The following NR3C1 variants were observed in gnomAD, a reference collection of about 807,000 sequenced individuals.
NR3C1 encodes glucocorticoid receptor.
In NR3C1, 14 loss-of-function variants were observed where a neutral mutation model predicts 74.0. The ratio of observed to expected loss-of-function variants is 0.19; its 90% confidence interval spans 0.12 to 0.30. NR3C1 has a LOEUF of 0.30. Among genes scored for constraint, NR3C1 ranks in the 10% least tolerant of loss-of-function variants. The pLI is 1.00. For missense variants in NR3C1, 695 were observed against 909.8 expected, an observed-to-expected ratio of 0.76 and a Z score of 3.04; for synonymous variants, 308 against 332.5, an observed-to-expected ratio of 0.93 and a Z score of 0.80.
At chr5:143,336,435 T>C (rs1276400303) in intron 2 of NR3C1, among the ~76,000 whole-genome samples, 2 of 152,172 alleles carry the variant, frequency 1.3e-5, no homozygotes, top group East Asian at 1.9e-4. Flanking sequence ...TGGACAAGGA[T>C]TGTTGGCTTC....
intron 4 of NR3C1, among the ~76,000 whole-genome samples, chr5:143,305,866 G>A (rs1029353335): frequency 4.6e-5 from 7 of 152,002 alleles, no homozygotes; most frequent in African/African-American, 1.7e-4. Context: ...ACCTGTACAT[G>A]TACCCCTAGA....
upstream of NR3C1, chr5:143,405,314 G>C: frequency 1.0e-6 from 1 of 985,584 alleles, no homozygotes; most frequent in South Asian, 4.7e-5. Flanking sequence ...TCGGGCGCTC[G>C]GCCACAGCCA....
In NR3C1 at chr5:143,296,289, T is replaced by TTTAAG. The variant is rs887047778; in HGVS notation, c.1893-704_1893-700dup. On this transcript the variant is annotated intron_variant, in intron 6 of 8. Coordinates refer to ENST00000394464, the MANE Select transcript of NR3C1 (RefSeq NM_000176.3). Reference sequence around the variant, plus strand: ...AAATGCTTCAAGATTTTTTTTTTTTTTTAAGTTTCTGACAGAAAGTCGTCT... The same window carrying TTTAAG: ...AAATGCTTCAAGATTTTTTTTTTTTTTTAAGTTAAGTTTCTGACAGAAAGTCGTCT... 8.5e-5 allele frequency among the ~76,000 whole-genome samples: 13 copies of TTTAAG among 152,228 alleles called. No individual in the cohort carries two copies. The East Asian group carries it at 1.7e-3, about 20-fold the overall frequency.
At chr5:143,434,864 T>G in exon 1 of NR3C1, 1 of 985,402 alleles carries the variant, frequency 1.0e-6, no homozygotes, top group Non-Finnish European at 1.2e-6. Flanking sequence ...ACACAACTCT[T>G]GATGAACAAA....
At position 143,318,063 on chromosome 5, in the gene NR3C1, T is replaced by C. The variant is rs574839489; in HGVS notation, c.1185-3895A>G. ...CCTTATTAGTGCCATTTTAGGGGGT[T>C]TGTGTGGATTATATATATTAGAGTT... On this transcript the variant is annotated intron_variant, in intron 2 of 8. Transcript: ENST00000394464. Among the ~76,000 whole-genome samples the C allele has an allele frequency of 4.6e-5, 7 of 152,268 alleles. No individual in the cohort carries two copies. In the South Asian group the frequency reaches 1.4e-3, roughly 32 times the overall value.
chr5:143,338,685 T>TA (rs1313701966), intron 2 of NR3C1, among the ~76,000 whole-genome samples: 5 of 152,174 alleles, frequency 3.3e-5, no homozygotes, highest in East Asian at 1.9e-4. Flanking sequence ...GTCAAAATGT[T>TA]AAAAAAATTA....
intron 7 of NR3C1, among the ~76,000 whole-genome samples, chr5:143,292,892 T>C (rs1469892931): frequency 1.3e-5 from 2 of 152,240 alleles, no homozygotes; most frequent in African/African-American, 4.8e-5. Flanking sequence ...ATGACCTCCA[T>C]TCTCTGAGGG....
At chr5:143,325,667 A>C (rs1824435905) in intron 2 of NR3C1, among the ~76,000 whole-genome samples, 1 of 152,206 alleles carries the variant, frequency 6.6e-6, no homozygotes, top group African/African-American at 2.4e-5. Context: ...TAGTAGGTTA[A>C]ACATTAACCA....
In NR3C1 at chr5:143,350,358, A is replaced by G. The variant is rs114792964; in HGVS notation, c.1185-36190T>C. The stretch of plus-strand genomic sequence containing the variant: ...AAGTAGAAGGGTTTGCGAGGTATTT[A>G]TTTAGTCCAATCTATGAGGCCTAAT... On this transcript the variant is annotated intron_variant, in intron 2 of 8. Coordinates refer to ENST00000394464, the MANE Select transcript of NR3C1 (RefSeq NM_000176.3). 4.3e-3 allele frequency among the ~76,000 whole-genome samples: 661 copies of G among 152,272 alleles called. 2 individuals are homozygous for G. Among genetic ancestry groups the G allele is most frequent in the African/African-American group, 0.015 (631 of 41,568 alleles).
At chr5:143,317,306 G>C (rs1213314595) in intron 2 of NR3C1, among the ~76,000 whole-genome samples, 3 of 152,134 alleles carry the variant, frequency 2.0e-5, no homozygotes, top group African/African-American at 7.2e-5. Flanking sequence ...GGAACCAAAA[G>C]TATACCATAG....
At chr5:143,403,965 G>T, upstream of NR3C1, 1 of 985,314 alleles carries the variant, frequency 1.0e-6, no homozygotes, top group Non-Finnish European at 1.2e-6. Flanking sequence ...AAGGGTGGCG[G>T]CGGCAGCGGC....
chr5:143,409,058 T>G (rs1330713351), intron 1 of NR3C1: 1 of 152,208 alleles, frequency 6.6e-6, no homozygotes, highest in East Asian at 1.9e-4. Flanking sequence ...TAAACATGTT[T>G]GGGAAGCAAA....
intron 2 of NR3C1, among the ~76,000 whole-genome samples, chr5:143,367,678 A>G (rs1833490892): frequency 6.6e-6 from 1 of 152,176 alleles, no homozygotes; most frequent in African/African-American, 2.4e-5. Flanking sequence ...ATATTCAAGA[A>G]TAAATTTAAT....
rs191375783 is a variant in NR3C1, at chr5:143,340,631, C to T, written c.1185-26463G>A. Among the ~76,000 whole-genome samples the T allele has an allele frequency of 1.7e-3, 253 of 151,682 alleles. 3 individuals are homozygous for T. In the East Asian group the frequency reaches 0.023, roughly 14 times the overall value. On this transcript the variant is annotated intron_variant, in intron 2 of 8. Transcript: ENST00000394464. ...CCGAGTAGCTGGGATTACAGGTGCGCGCCACCACGCCCAGCTATTTTTTGT... is the reference window on the plus strand; with the variant it reads ...CCGAGTAGCTGGGATTACAGGTGCGTGCCACCACGCCCAGCTATTTTTTGT...
At chr5:143,429,458 C>G (rs139761456) in intron 1 of NR3C1, among the ~76,000 whole-genome samples, 1 of 152,108 alleles carries the variant, frequency 6.6e-6, no homozygotes, top group Non-Finnish European at 1.5e-5. Context: ...AGAGATTTGG[C>G]AAGGTTATGT....
intron 7 of NR3C1, among the ~76,000 whole-genome samples, chr5:143,290,119 A>G (rs1184315623): frequency 2.0e-5 from 3 of 152,242 alleles, no homozygotes; most frequent in Non-Finnish European, 1.5e-5. Context: ...TATATTTACA[A>G]TTATTTTTCC....
At chr5:143,379,549 A>G (rs140315474) in intron 2 of NR3C1, among the ~76,000 whole-genome samples, 1 of 152,296 alleles carries the variant, frequency 6.6e-6, no homozygotes, top group East Asian at 1.9e-4. Flanking sequence ...AAATAAAAAT[A>G]AAAAAACACC....
chr5:143,302,161 T>C (rs1818627994), intron 4 of NR3C1, among the ~76,000 whole-genome samples: 1 of 152,094 alleles, frequency 6.6e-6, no homozygotes, highest in African/African-American at 2.4e-5. Flanking sequence ...TTCTGTAAAA[T>C]GAGGACAATA....
rs78684085 is a variant in NR3C1 at position 143,427,685 on chromosome 5, C to T, written c.-14+6847G>A. On this transcript the variant is annotated intron_variant, in intron 1 of 8. Transcript: ENST00000343796. ...CAGATTTTTCTGCCTTCTTTTCCCC[C>T]ATGGATTCAATGTCCACTAGCAACC... Among the ~76,000 whole-genome samples the T allele has an allele frequency of 3.7e-3, 559 of 152,296 alleles. 5 individuals carry two copies. The highest frequency in any genetic ancestry group is 0.013 in the African/African-American group (546 of 41,564).
Sources: gnomAD v4.1 joint callset for allele counts (sites outside exome capture counted in the v4.1 genomes callset) on GRCh38, gnomAD v4.1.1 for gene constraint, MANE v1.5 for transcripts, NCBI Gene and HGNC (gene_info 2026-07-23, HGNC 2026-07-21) for gene names.